The following STARD13 variants were observed in gnomAD, a reference collection of about 807,000 sequenced individuals.
STARD13 encodes StAR related lipid transfer domain containing 13, also known as stAR-related lipid transfer protein 13.
In STARD13, 62 loss-of-function variants were observed where a neutral mutation model predicts 106.4. The observed-to-expected ratio is 0.58, with a 90% confidence interval of 0.48 to 0.72. The LOEUF is 0.72. STARD13 is among the 30% of genes least tolerant of loss of function. The probability of loss-of-function intolerance (pLI) is 0.00; values close to 1 mark genes in which losing one functional copy is unlikely to be tolerated. For synonymous variants in STARD13, 565 were observed against 553.0 expected (o/e 1.02, Z -0.31); for missense variants, 1,387 against 1,424.0 (o/e 0.97, Z 0.42).
chr13:33,466,215 T>A, the STARD13 span, among the ~76,000 whole-genome samples: 2 of 152,208 alleles, frequency 1.3e-5, no homozygotes, highest in Non-Finnish European at 2.9e-5. Context: ...CAGGTTTTAT[T>A]TTTTAATGTA....
At chr13:33,629,095 ACTT>A in the STARD13 span, among the ~76,000 whole-genome samples, 1 of 152,182 alleles carries the variant, frequency 6.6e-6, no homozygotes, top group South Asian at 2.1e-4. Flanking sequence ...AGACAGCTCT[ACTT>A]CTTGTATGTC....
At chr13:33,293,908 G>A (rs1294667373) in intron 1 of STARD13, among the ~76,000 whole-genome samples, 1 of 152,146 alleles carries the variant, frequency 6.6e-6, no homozygotes. Flanking sequence ...TGCTGTGATT[G>A]AGTGGGTCAA....
the STARD13 span, among the ~76,000 whole-genome samples, chr13:33,463,975 C>A: frequency 6.8e-6 from 1 of 146,098 alleles, no homozygotes; most frequent in African/African-American, 2.5e-5. Flanking sequence ...CGTGCCATTG[C>A]ACTCCAGCCT....
the STARD13 span, among the ~76,000 whole-genome samples, chr13:33,589,561 G>C: frequency 2.0e-5 from 3 of 152,310 alleles, no homozygotes; most frequent in South Asian, 6.2e-4. Context: ...TATGTACCCA[G>C]TAGTCATTCA....
At chr13:33,126,793 T>G (rs1877240586) in intron 6 of STARD13, among the ~76,000 whole-genome samples, 1 of 152,200 alleles carries the variant, frequency 6.6e-6, no homozygotes, top group East Asian at 1.9e-4. Context: ...ATATGTATAA[T>G]ATAAAACATA....
chr13:33,278,967 A>G (rs1348471823), intron 1 of STARD13, among the ~76,000 whole-genome samples: 1 of 152,248 alleles, frequency 6.6e-6, no homozygotes, highest in African/African-American at 2.4e-5. Flanking sequence ...CTTTCCCCAT[A>G]CCAAAATCAT....
the STARD13 span, among the ~76,000 whole-genome samples, chr13:33,620,464 G>A: frequency 6.6e-6 from 1 of 151,742 alleles, no homozygotes; most frequent in Non-Finnish European, 1.5e-5. Context: ...TGTATTTTTA[G>A]TAGAGACAGG....
chr13:33,116,142 C>T (rs1875339499), intron 8 of STARD13, among the ~76,000 whole-genome samples: 5 of 152,178 alleles, frequency 3.3e-5, no homozygotes, highest in African/African-American at 4.8e-5. Flanking sequence ...GCCCCAGCGT[C>T]ATTTTTCAGT....
At chr13:33,669,479 A>T in the STARD13 span, among the ~76,000 whole-genome samples, 1 of 147,662 alleles carries the variant, frequency 6.8e-6, no homozygotes, top group Non-Finnish European at 1.5e-5. Context: ...GCTCACCTCC[A>T]TCTGGAATCT....
the STARD13 span, among the ~76,000 whole-genome samples, chr13:33,441,982 A>T: frequency 6.6e-6 from 1 of 152,242 alleles, no homozygotes; most frequent in Non-Finnish European, 1.5e-5. Flanking sequence ...AGAGGAGAAA[A>T]GATCCCTCCA....
chr13:33,405,967 G>T, the STARD13 span, among the ~76,000 whole-genome samples: 3 of 152,192 alleles, frequency 2.0e-5, no homozygotes, highest in Admixed American at 2.0e-4. Flanking sequence ...GTGTCGTCTT[G>T]TTTAAGACTT....
chr13:33,113,584 C>T (rs748515129), intron 8 of STARD13: 1 of 515,336 alleles, frequency 1.9e-6, no homozygotes, highest in Non-Finnish European at 3.9e-6. Context: ...TTGCAGGATG[C>T]CTGCTATTGA....
chr13:33,263,303 G>A (rs1890738694), intron 1 of STARD13, among the ~76,000 whole-genome samples: 1 of 151,878 alleles, frequency 6.6e-6, no homozygotes, highest in African/African-American at 2.4e-5. Context: ...ATGTTCCCTG[G>A]AGGGCAAAAT....
chr13:33,638,682 T>C, the STARD13 span, among the ~76,000 whole-genome samples: 11 of 152,178 alleles, frequency 7.2e-5, no homozygotes, highest in Non-Finnish European at 1.2e-4. Flanking sequence ...TTAGTGCTGG[T>C]CATCTGTGCC....
the STARD13 span, among the ~76,000 whole-genome samples, chr13:33,480,114 G>A: frequency 7.9e-5 from 12 of 152,302 alleles, no homozygotes; most frequent in East Asian, 1.9e-4. Flanking sequence ...AGGAATACTT[G>A]TATGTGTATT....
chr13:33,329,979 C>T (rs906732823), intron 1 of STARD13, among the ~76,000 whole-genome samples: 2 of 152,202 alleles, frequency 1.3e-5, no homozygotes, highest in East Asian at 3.8e-4. Flanking sequence ...GCTGGGATTA[C>T]AGGCGTGAGC....
chr13:33,127,578 C>A, intron 5 of STARD13, 32 bp from the exon 6 acceptor site: 2 of 1,510,570 alleles, frequency 1.3e-6, no homozygotes, highest in East Asian at 2.5e-5. Flanking sequence ...AGAAGCCAGT[C>A]ACAAAGTGGA....
the STARD13 span, among the ~76,000 whole-genome samples, chr13:33,375,991 CTTAATA>C: frequency 6.6e-6 from 1 of 152,114 alleles, no homozygotes; most frequent in African/African-American, 2.4e-5. Flanking sequence ...ACTTAATGTA[CTTAATA>C]TTAAGTAATA....
intron 1 of STARD13, among the ~76,000 whole-genome samples, chr13:33,203,273 A>T (rs1246612567): frequency 6.6e-6 from 1 of 152,140 alleles, no homozygotes; most frequent in Non-Finnish European, 1.5e-5. Flanking sequence ...CAGTACACTA[A>T]GCTGTGATCA....
Sources: allele counts gnomAD v4.1 joint callset (sites outside exome capture counted in the v4.1 genomes callset), GRCh38; gene constraint gnomAD v4.1.1; transcripts MANE v1.5; gene names NCBI Gene and HGNC (gene_info 2026-07-23, HGNC 2026-07-21).